The following ABAT variants were observed in gnomAD, a reference collection of about 807,000 sequenced individuals.
The protein encoded by ABAT is 4-aminobutyrate aminotransferase.
Under a neutral mutation model 64.6 loss-of-function variants are expected in ABAT, and 45 were observed. The ratio of observed to expected loss-of-function variants is 0.70; its 90% CI spans 0.55 to 0.89. ABAT has a LOEUF of 0.89. Among genes scored for constraint, ABAT ranks in the 40% least tolerant of loss-of-function variants. The pLI is 0.00. For missense variants in ABAT, 633 were observed against 658.4 expected, an observed-to-expected ratio of 0.96 and a Z score of 0.42; for synonymous variants, 297 against 250.5, an observed-to-expected ratio of 1.19 and a Z score of -1.75.
At chr16:8,732,982 G>A (rs1337011781) in intron 1 of ABAT, among the ~76,000 whole-genome samples, 1 of 121,846 alleles carries the variant, frequency 8.2e-6, no homozygotes, top group South Asian at 2.6e-4. Flanking sequence ...GGGGGCTGAT[G>A]CCCCCACCTC....
At chr16:8,718,899 G>A (rs561852375) in intron 1 of ABAT, among the ~76,000 whole-genome samples, 107 of 152,344 alleles carry the variant, frequency 7.0e-4, no homozygotes, top group African/African-American at 2.1e-3. Flanking sequence ...GGCACACAGC[G>A]TGACTCCAGC....
At chr16:8,750,401 T>A (rs2059445774) in intron 4 of ABAT, 21 bp from the exon 5 acceptor site, 1 of 1,602,184 alleles carries the variant, frequency 6.2e-7, no homozygotes, top group East Asian at 2.2e-5. Flanking sequence ...TGAGCCTGAG[T>A]TGGTCTTTTC....
intron 1 of ABAT, among the ~76,000 whole-genome samples, chr16:8,729,382 G>T (rs1206217449): frequency 6.6e-6 from 1 of 152,194 alleles, no homozygotes; most frequent in Non-Finnish European, 1.5e-5. Context: ...AGGGGCTTTG[G>T]GGTCAGACAG....
intron 2 of ABAT, chr16:8,736,352 C>T (rs2058935119): frequency 5.8e-6 from 1 of 173,858 alleles, no homozygotes; most frequent in Admixed American, 5.5e-5. Flanking sequence ...TTTCTCTCTC[C>T]CATCTCTGTC....
chr16:8,710,641 G>A (rs1225626450), intron 1 of ABAT, among the ~76,000 whole-genome samples: 1 of 150,092 alleles, frequency 6.7e-6, no homozygotes, highest in Non-Finnish European at 1.5e-5. Flanking sequence ...TCAGGAGGCT[G>A]AGGTGGAAAG....
intron 1 of ABAT, among the ~76,000 whole-genome samples, chr16:8,733,383 G>C (rs1158321513): frequency 1.3e-5 from 2 of 150,906 alleles, no homozygotes; most frequent in African/African-American, 4.9e-5. Context: ...TCACATCCCA[G>C]ACGATGGGCG....
At chr16:8,703,883 A>G (rs530595415) in intron 1 of ABAT, among the ~76,000 whole-genome samples, 4 of 152,364 alleles carry the variant, frequency 2.6e-5, no homozygotes, top group Non-Finnish European at 4.4e-5. Context: ...CAAAGCAGCC[A>G]TGAATTAATA....
intron 10 of ABAT, among the ~76,000 whole-genome samples, chr16:8,768,473 A>G (rs961004192): frequency 1.3e-5 from 2 of 152,182 alleles, no homozygotes; most frequent in African/African-American, 2.4e-5. Flanking sequence ...CAGAGCCGGG[A>G]CTGGAACTCT....
intron 1 of ABAT, among the ~76,000 whole-genome samples, chr16:8,714,347 A>T (rs1489216976): frequency 2.0e-5 from 3 of 152,194 alleles, no homozygotes; most frequent in Non-Finnish European, 2.9e-5. Flanking sequence ...TTTGAAACTC[A>T]GGGGAATGGA....
At chr16:8,751,560 G>A (rs1384894678) in intron 5 of ABAT, among the ~76,000 whole-genome samples, 2 of 152,356 alleles carry the variant, frequency 1.3e-5, no homozygotes, top group East Asian at 3.9e-4. Context: ...ACACCCCAGA[G>A]TTGGTCTCAG....
At chr16:8,735,576 C>A in intron 1 of ABAT, 123 bp from the exon 2 acceptor site, 1 of 861,796 alleles carries the variant, frequency 1.2e-6, no homozygotes, top group Non-Finnish European at 1.9e-6. Flanking sequence ...CAGTATAAAA[C>A]CCAAGCATTT....
At chr16:8,726,991 T>G (rs2058576732) in intron 1 of ABAT, among the ~76,000 whole-genome samples, 1 of 152,250 alleles carries the variant, frequency 6.6e-6, no homozygotes, top group Admixed American at 6.5e-5. Context: ...TATGTCTTCT[T>G]TTGAGAAATA....
chr16:8,690,497 T>C (rs1311878171), intron 1 of ABAT, among the ~76,000 whole-genome samples: 1 of 152,230 alleles, frequency 6.6e-6, no homozygotes, highest in African/African-American at 2.4e-5. Context: ...GGTACTTTTT[T>C]CCTTTTCAAA....
chr16:8,750,106 T>C (rs1272965686), intron 4 of ABAT, among the ~76,000 whole-genome samples: 2 of 152,254 alleles, frequency 1.3e-5, no homozygotes, highest in African/African-American at 2.4e-5. Flanking sequence ...TTAGTTTTCT[T>C]TGAGTTTGCT....
At chr16:8,737,105 G>A (rs969352311) in intron 2 of ABAT, 1 of 152,326 alleles carries the variant, frequency 6.6e-6, no homozygotes, top group African/African-American at 2.4e-5. Flanking sequence ...CATGTTGAAT[G>A]CTGGTGTGTA....
intron 2 of ABAT, among the ~76,000 whole-genome samples, chr16:8,741,335 G>A (rs984529524): frequency 2.0e-5 from 3 of 152,224 alleles, no homozygotes; most frequent in Non-Finnish European, 4.4e-5. Context: ...GCTAGCACTC[G>A]ATGAAATCAA....
chr16:8,727,418 C>T (rs536022134), intron 1 of ABAT, among the ~76,000 whole-genome samples: 3 of 152,342 alleles, frequency 2.0e-5, no homozygotes, highest in Non-Finnish European at 2.9e-5. Flanking sequence ...TGCCTTATCC[C>T]TGCTTTCTTC....
chr16:8,737,957 G>GGA (rs2059007484), intron 2 of ABAT, among the ~76,000 whole-genome samples: 1 of 11,326 alleles, frequency 8.8e-5, no homozygotes, highest in Non-Finnish European at 1.8e-4. Context: ...AGAAAGGAAG[G>GGA]AAGGAAGGAA....
chr16:8,718,839 G>A (rs1309969865), intron 1 of ABAT, among the ~76,000 whole-genome samples: 6 of 152,312 alleles, frequency 3.9e-5, no homozygotes, highest in African/African-American at 1.4e-4. Flanking sequence ...AAGATACTTT[G>A]AATTACAGAA....
Sources: allele counts gnomAD v4.1 joint callset (sites outside exome capture counted in the v4.1 genomes callset), GRCh38; gene constraint gnomAD v4.1.1; transcripts MANE v1.5; gene names NCBI Gene and HGNC (gene_info 2026-07-23, HGNC 2026-07-21).